Variants in FBXL7 observed in about 807,000 individuals in gnomAD.
FBXL7 encodes F-box/LRR-repeat protein 7.
Under a neutral mutation model 38.3 loss-of-function variants are expected in FBXL7, and 12 were observed. The observed-to-expected ratio is 0.31, with a 90% CI of 0.20 to 0.51. FBXL7 has a LOEUF of 0.51. Ranked by LOEUF, FBXL7 falls within the 20% of genes least tolerant of loss-of-function variation. FBXL7 has a pLI of 0.98. For synonymous variants in FBXL7, 297 were observed against 300.9 expected, an observed-to-expected ratio of 0.99 and a Z score of 0.13; for missense variants, 567 against 676.4, an observed-to-expected ratio of 0.84 and a Z score of 1.79.
chr5:15,892,398 A>G (rs981435022), intron 2 of FBXL7, among the ~76,000 whole-genome samples: 2 of 152,194 alleles, frequency 1.3e-5, no homozygotes, highest in African/African-American at 2.4e-5. Context: ...AGTTTTGAGC[A>G]GAGGCGGGAC....
At chr5:15,727,520 T>C (rs1482387945) in intron 2 of FBXL7, among the ~76,000 whole-genome samples, 3 of 152,170 alleles carry the variant, frequency 2.0e-5, no homozygotes, top group Non-Finnish European at 2.9e-5. Context: ...TTTTTTAGTT[T>C]TTTAGAGCTT....
chr5:15,610,175 T>C (rs1740182982), intron 1 of FBXL7, among the ~76,000 whole-genome samples: 2 of 152,108 alleles, frequency 1.3e-5, no homozygotes, highest in Admixed American at 1.3e-4. Context: ...ACGCGGGAAT[T>C]TTGGGAGCTA....
chr5:15,792,106 A>G (rs1737292581), intron 2 of FBXL7, among the ~76,000 whole-genome samples: 1 of 152,208 alleles, frequency 6.6e-6, no homozygotes, highest in Non-Finnish European at 1.5e-5. Context: ...ACCAGAGCCC[A>G]CTCAATTTTA....
chr5:15,930,643 T>G (rs561884216), intron 3 of FBXL7, among the ~76,000 whole-genome samples: 55 of 152,342 alleles, frequency 3.6e-4, no homozygotes, highest in Middle Eastern at 3.4e-3. Flanking sequence ...CTGCTTACTT[T>G]GAAAGTTCAA....
chr5:15,710,628 T>C (rs1579397579), intron 2 of FBXL7, among the ~76,000 whole-genome samples: 1 of 152,322 alleles, frequency 6.6e-6, no homozygotes, highest in South Asian at 2.1e-4. Context: ...GCATTTTGTT[T>C]TGTGTGCCAT....
At chr5:15,677,038 A>G (rs1020048146) in intron 2 of FBXL7, among the ~76,000 whole-genome samples, 2 of 152,232 alleles carry the variant, frequency 1.3e-5, no homozygotes, top group Non-Finnish European at 2.9e-5. Context: ...GGAAATACAA[A>G]CAAACCTCTT....
At chr5:15,543,138 T>C (rs529932636) in intron 1 of FBXL7, among the ~76,000 whole-genome samples, 1 of 152,306 alleles carries the variant, frequency 6.6e-6, no homozygotes, top group Admixed American at 6.5e-5. Flanking sequence ...CTCATGCTGC[T>C]AATAAAGACA....
At chr5:15,641,122 C>G (rs1403990177) in intron 2 of FBXL7, among the ~76,000 whole-genome samples, 2 of 152,166 alleles carry the variant, frequency 1.3e-5, no homozygotes, top group Admixed American at 1.3e-4. Flanking sequence ...GCTACACTCT[C>G]CAGGTATTTT....
chr5:15,848,361 G>A (rs981639120), intron 2 of FBXL7, among the ~76,000 whole-genome samples: 4 of 151,708 alleles, frequency 2.6e-5, no homozygotes, highest in South Asian at 2.1e-4. Context: ...ACAGTTTTCC[G>A]AGTGTATATG....
chr5:15,808,883 T>C (rs1292088863), intron 2 of FBXL7, among the ~76,000 whole-genome samples: 1 of 152,200 alleles, frequency 6.6e-6, no homozygotes, highest in Non-Finnish European at 1.5e-5. Context: ...TATGGGCACC[T>C]TTTTAAAAGT....
chr5:15,838,893 A>G (rs551073953), intron 2 of FBXL7, among the ~76,000 whole-genome samples: 32 of 152,286 alleles, frequency 2.1e-4, no homozygotes, highest in Non-Finnish European at 4.6e-4. Context: ...TCTTTACATT[A>G]TATTTTGCCC....
intron 2 of FBXL7, among the ~76,000 whole-genome samples, chr5:15,844,111 G>C (rs755257348): frequency 7.2e-5 from 11 of 152,094 alleles, no homozygotes; most frequent in Admixed American, 1.3e-4. Context: ...AGCACAGGAG[G>C]GGGGACACAC....
intron 2 of FBXL7, among the ~76,000 whole-genome samples, chr5:15,918,679 C>T (rs1470189960): frequency 6.6e-6 from 1 of 152,228 alleles, no homozygotes; most frequent in Non-Finnish European, 1.5e-5. Context: ...ACTGATATTA[C>T]ATGAGTTCCA....
intron 1 of FBXL7, among the ~76,000 whole-genome samples, chr5:15,521,193 G>T (rs1177224082): frequency 6.6e-6 from 1 of 152,224 alleles, no homozygotes; most frequent in African/African-American, 2.4e-5. Context: ...CCCTCCAAGA[G>T]TTGTCGGGGG....
intron 2 of FBXL7, among the ~76,000 whole-genome samples, chr5:15,707,964 C>G (rs1172715634): frequency 6.6e-6 from 1 of 152,166 alleles, no homozygotes; most frequent in African/African-American, 2.4e-5. Context: ...TATTTTCTAT[C>G]CCATCTTTAT....
intron 2 of FBXL7, among the ~76,000 whole-genome samples, chr5:15,784,083 T>C (rs1392244544): frequency 1.3e-5 from 2 of 152,176 alleles, no homozygotes; most frequent in African/African-American, 4.8e-5. Context: ...TAGTTCTGGG[T>C]GGCCACATTC....
intron 2 of FBXL7, among the ~76,000 whole-genome samples, chr5:15,669,436 C>T (rs147309111): frequency 2.0e-5 from 3 of 152,246 alleles, no homozygotes; most frequent in South Asian, 4.2e-4. Flanking sequence ...TTGTGCTGAG[C>T]GTGGCCAATG....
intron 2 of FBXL7, among the ~76,000 whole-genome samples, chr5:15,792,516 A>C (rs1442621258): frequency 6.6e-6 from 1 of 152,186 alleles, no homozygotes; most frequent in Non-Finnish European, 1.5e-5. Flanking sequence ...GAGGGAAGGC[A>C]GTATTTTCAT....
At chr5:15,933,920 C>T (rs927217525) in intron 3 of FBXL7, among the ~76,000 whole-genome samples, 2 of 152,144 alleles carry the variant, frequency 1.3e-5, no homozygotes, top group Admixed American at 1.3e-4. Context: ...AATATATATA[C>T]AGCCTCGGTA....
Sources: allele counts gnomAD v4.1 joint callset (sites outside exome capture counted in the v4.1 genomes callset), GRCh38; gene constraint gnomAD v4.1.1; transcripts MANE v1.5; gene names NCBI Gene and HGNC (gene_info 2026-07-23, HGNC 2026-07-21).